Variants in PCDH15 observed in about 807,000 individuals in gnomAD.
PCDH15 encodes protocadherin related 15.
PCDH15 carries 129 observed loss-of-function variants against 178.5 expected under a neutral mutation model. The ratio of observed to expected loss-of-function variants is 0.72; its 90% CI spans 0.63 to 0.84. The LOEUF (loss-of-function observed/expected upper bound fraction) is 0.84, where lower values mean the gene tolerates loss of function less well. PCDH15 is among the 40% of genes least tolerant of loss of function. The probability of loss-of-function intolerance (pLI) is 0.00; values close to 1 mark genes in which losing one functional copy is unlikely to be tolerated. For synonymous variants in PCDH15, 800 were observed against 732.0 expected, an observed-to-expected ratio of 1.09 and a Z score of -1.50; for missense variants, 2,230 against 2,099.9, an observed-to-expected ratio of 1.06 and a Z score of -1.21.
chr10:55,099,770 C>T (rs1842532849), intron 2 of PCDH15, among the ~76,000 whole-genome samples: 1 of 151,328 alleles, frequency 6.6e-6, no homozygotes, highest in East Asian at 2.0e-4. Context: ...AGAAGAAAAG[C>T]AAACTTGACT....
At position 54,236,906 on chromosome 10, in the gene PCDH15, G is replaced by A. The variant is rs370933593; in HGVS notation, c.902C>T (p.Thr301Met). ...TPEELNPIIV[T>M]PPIQAIDQDR... is the part of the protein sequence containing the mutation. The stretch of plus-strand genomic sequence containing the variant: ...CTGATCAATGGCTTGGATTGGTGGC[G>A]TAACAATAATGGGGTTCAGTTCTTC... Residue 301 changes from threonine (T) to methionine (M), a missense_variant, in exon 9 of 38, where the codon ACG becomes ATG. Transcript: ENST00000644397. The A allele has an allele frequency of 6.1e-5, 99 of 1,613,408 alleles. No homozygotes were observed. The highest frequency in any genetic ancestry group is 4.3e-4 in the South Asian group (39 of 91,066).
intron 2 of PCDH15, among the ~76,000 whole-genome samples, chr10:55,377,743 T>C (rs1837434701): frequency 6.6e-6 from 1 of 152,150 alleles, no homozygotes; most frequent in Non-Finnish European, 1.5e-5. Context: ...GAGTACCTAG[T>C]ATAAAAGATA....
chr10:54,295,298 A>C (rs1290461651), intron 8 of PCDH15, among the ~76,000 whole-genome samples: 1 of 151,832 alleles, frequency 6.6e-6, no homozygotes, highest in Admixed American at 6.6e-5. Context: ...GGACCAATCA[A>C]TTCTCTGTAA....
At chr10:55,193,482 G>T (rs1289744899) in intron 1 of PCDH15, among the ~76,000 whole-genome samples, 1 of 151,896 alleles carries the variant, frequency 6.6e-6, no homozygotes. Context: ...GCTTTACATT[G>T]ATTTAAAACA....
intron 3 of PCDH15, among the ~76,000 whole-genome samples, chr10:54,414,870 T>A (rs1014382673): frequency 6.6e-6 from 1 of 152,052 alleles, no homozygotes; most frequent in African/African-American, 2.4e-5. Flanking sequence ...AGAATTAAAA[T>A]CATACTAGAG....
At chr10:54,035,346 C>A (rs1211672595) in intron 18 of PCDH15, among the ~76,000 whole-genome samples, 4 of 151,886 alleles carry the variant, frequency 2.6e-5, no homozygotes, top group Admixed American at 2.0e-4. Flanking sequence ...ATTTTTCCAA[C>A]AGCGTGTGCT....
intron 3 of PCDH15, among the ~76,000 whole-genome samples, chr10:54,489,997 GAAA>G (rs2079436971): frequency 6.6e-6 from 1 of 152,132 alleles, no homozygotes; most frequent in Non-Finnish European, 1.5e-5. Flanking sequence ...ATCCTAAAAT[GAAA>G]ACTCAAAATG....
At position 54,608,458 on chromosome 10, in the gene PCDH15, A is replaced by G. The variant is rs560963975; in HGVS notation, c.91+55714T>C. 6.6e-5 allele frequency among the ~76,000 whole-genome samples: 10 copies of G among 152,054 alleles called. No individual in the cohort carries two copies. In the South Asian group the frequency reaches 2.1e-3, roughly 32 times the overall value. Reference sequence around the variant, plus strand: ...CTCATCACTACAGATAATAATAATAATAATTATCTGGGTGTGGTGACACAC... The same window carrying G: ...CTCATCACTACAGATAATAATAATAGTAATTATCTGGGTGTGGTGACACAC... On this transcript the variant is annotated intron_variant, in intron 2 of 37. Transcript: ENST00000644397.
intron 27 of PCDH15, among the ~76,000 whole-genome samples, chr10:53,866,419 A>G (rs938941765): frequency 2.7e-5 from 4 of 147,366 alleles, no homozygotes; most frequent in Non-Finnish European, 5.9e-5. Flanking sequence ...AGGTCAAGAA[A>G]AATAAACACC....
chr10:54,527,771 C>T, intron 3 of PCDH15, 41 bp downstream of exon 3: 4 of 1,502,572 alleles, frequency 2.7e-6, no homozygotes, highest in Non-Finnish European at 2.8e-6. Context: ...TGAAGAAAAC[C>T]CTCTTAGATA....
chr10:55,029,124 A>G (rs1840548957), intron 2 of PCDH15, among the ~76,000 whole-genome samples: 1 of 152,042 alleles, frequency 6.6e-6, no homozygotes, highest in African/African-American at 2.4e-5. Flanking sequence ...GCTGTAATTA[A>G]GAATAAATGT....
chr10:55,350,379 G>A (rs555198042), intron 2 of PCDH15, among the ~76,000 whole-genome samples: 74 of 150,808 alleles, frequency 4.9e-4, no homozygotes, highest in African/African-American at 1.6e-3. Context: ...AGGAAAGTGC[G>A]AATGGGTACT....
At chr10:53,847,720 C>T (rs925732156) in intron 28 of PCDH15, among the ~76,000 whole-genome samples, 3 of 152,054 alleles carry the variant, frequency 2.0e-5, no homozygotes, top group African/African-American at 7.2e-5. Context: ...AAGTTTGTGA[C>T]TACTCTATAT....
chr10:55,333,137 A>G (rs1588922997), intron 2 of PCDH15, among the ~76,000 whole-genome samples: 1 of 152,160 alleles, frequency 6.6e-6, no homozygotes, highest in Non-Finnish European at 1.5e-5. Flanking sequence ...TTATGCTCAA[A>G]CAAACTTGAA....
chr10:55,260,166 G>C (rs891668854), intron 1 of PCDH15, among the ~76,000 whole-genome samples: 2 of 151,822 alleles, frequency 1.3e-5, no homozygotes, highest in Admixed American at 1.3e-4. Context: ...AGTAAGAATT[G>C]TTTAATTGTT....
At chr10:55,038,207 A>T (rs1840782902) in intron 2 of PCDH15, among the ~76,000 whole-genome samples, 1 of 152,194 alleles carries the variant, frequency 6.6e-6, no homozygotes, top group South Asian at 2.1e-4. Flanking sequence ...CTAAACATTT[A>T]TGCTTATGTG....
chr10:54,751,313 C>A (rs1000166333), intron 1 of PCDH15, among the ~76,000 whole-genome samples: 2 of 152,014 alleles, frequency 1.3e-5, no homozygotes, highest in African/African-American at 4.8e-5. Flanking sequence ...GGTAGGAGGG[C>A]CAGGACTCAT....
intron 9 of PCDH15, among the ~76,000 whole-genome samples, chr10:54,220,697 C>T (rs986046992): frequency 2.6e-5 from 4 of 151,874 alleles, no homozygotes; most frequent in African/African-American, 4.8e-5. Flanking sequence ...TGGTGGCGGG[C>T]GCCTGTAGTC....
chr10:54,226,527 C>T (rs997293978), intron 9 of PCDH15, among the ~76,000 whole-genome samples: 1 of 152,118 alleles, frequency 6.6e-6, no homozygotes, highest in Middle Eastern at 3.2e-3. Flanking sequence ...AGTGAGATCC[C>T]ATCTCTAGGT....
Sources: allele counts gnomAD v4.1 joint callset (sites outside exome capture counted in the v4.1 genomes callset), GRCh38; gene constraint gnomAD v4.1.1; transcripts MANE v1.5; gene names NCBI Gene and HGNC (gene_info 2026-07-23, HGNC 2026-07-21).